The following PID1 variants were observed in gnomAD, a reference collection of about 807,000 sequenced individuals.
The protein encoded by PID1 is PTB-containing, cubilin and LRP1-interacting protein.
PID1 carries 10 observed loss-of-function variants against 19.1 expected under a neutral mutation model. The ratio of observed to expected loss-of-function variants is 0.52; its 90% CI spans 0.32 to 0.89. The LOEUF is 0.89. Ranked by LOEUF, PID1 falls within the 40% of genes least tolerant of loss-of-function variation. The pLI is 0.03. For synonymous variants in PID1, 130 were observed against 116.0 expected (o/e 1.12, Z -0.78); for missense variants, 248 against 285.3 (o/e 0.87, Z 0.94).
intron 2 of PID1, among the ~76,000 whole-genome samples, chr2:229,046,357 T>A (rs1418301890): frequency 3.5e-5 from 5 of 144,800 alleles, no homozygotes; most frequent in African/African-American, 1.4e-4. Flanking sequence ...AGTGTGTGTG[T>A]GTGTGTGTGT....
chr2:229,176,280 T>A (rs750479881), intron 1 of PID1, among the ~76,000 whole-genome samples: 1 of 152,218 alleles, frequency 6.6e-6, no homozygotes, highest in Non-Finnish European at 1.5e-5. Flanking sequence ...TAAGTCCACA[T>A]GCAAGCCTCC....
chr2:229,103,316 A>G (rs1695110977), intron 2 of PID1, among the ~76,000 whole-genome samples: 1 of 152,128 alleles, frequency 6.6e-6, no homozygotes, highest in Non-Finnish European at 1.5e-5. Flanking sequence ...GCACAGACAC[A>G]TGGTCCATAC....
chr2:229,098,711 T>G (rs1340017569), intron 2 of PID1, among the ~76,000 whole-genome samples: 1 of 152,150 alleles, frequency 6.6e-6, no homozygotes, highest in Non-Finnish European at 1.5e-5. Context: ...GAGACCAGGT[T>G]CAAGCAGGCT....
chr2:229,104,224 CT>C (rs1695130325), intron 2 of PID1, among the ~76,000 whole-genome samples: 1 of 152,182 alleles, frequency 6.6e-6, no homozygotes, highest in African/African-American at 2.4e-5. Flanking sequence ...TACAGACAAC[CT>C]TTCACCTAAA....
chr2:229,128,137 G>A (rs1695661412), intron 2 of PID1, among the ~76,000 whole-genome samples: 3 of 55,062 alleles, frequency 5.4e-5, no homozygotes, highest in Admixed American at 2.0e-4. Context: ...TAAATGGATT[G>A]GGATTTTGTA....
chr2:229,216,767 T>C (rs1408306278), intron 1 of PID1, among the ~76,000 whole-genome samples: 1 of 152,136 alleles, frequency 6.6e-6, no homozygotes, highest in Non-Finnish European at 1.5e-5. Context: ...AGAAAACTAA[T>C]ACAAAACAGT....
rs1442847503 is a variant in PID1 at position 229,210,541 on chromosome 2, AAAAAAAAAAAAAAC to A, written c.31-54591_31-54578del. ...GTTTTGTCTCAAAAAAAAAAAAAAA[AAAAAAAAAAAAAAC>A]AACCTAGAAGGAAAAAGTCAGAAGA... On this transcript the variant is annotated intron_variant, in intron 1 of 2. Coordinates refer to ENST00000392055, the MANE Select transcript of PID1 (RefSeq NM_001100818.2). Among the ~76,000 whole-genome samples the A allele has an allele frequency of 9.1e-4, 135 of 148,064 alleles. 2 individuals carry two copies. Among genetic ancestry groups the A allele is most frequent in the African/African-American group, 3.1e-3 (127 of 40,690 alleles).
chr2:229,212,051 G>T (rs1051164168), intron 1 of PID1, among the ~76,000 whole-genome samples: 2 of 152,054 alleles, frequency 1.3e-5, no homozygotes, highest in Admixed American at 1.3e-4. Context: ...GTATCAAACT[G>T]GTTGAATGTA....
chr2:229,257,596 G>A (rs1250146379), intron 1 of PID1, among the ~76,000 whole-genome samples: 1 of 152,108 alleles, frequency 6.6e-6, no homozygotes, highest in Non-Finnish European at 1.5e-5. Flanking sequence ...TCATCACCTC[G>A]ACAGAGCCCC....
chr2:229,246,800 C>T (rs1022091091), intron 1 of PID1, among the ~76,000 whole-genome samples: 5 of 152,172 alleles, frequency 3.3e-5, no homozygotes, highest in East Asian at 1.9e-4. Flanking sequence ...TACCTCTGCA[C>T]ATCCGGTCTC....
intron 1 of PID1, among the ~76,000 whole-genome samples, chr2:229,265,205 G>A (rs1230530795): frequency 6.6e-6 from 1 of 152,096 alleles, no homozygotes; most frequent in East Asian, 1.9e-4. Flanking sequence ...GCCATTACTG[G>A]AGCCTCCCTT....
chr2:229,130,246 C>T (rs954353596), intron 2 of PID1, among the ~76,000 whole-genome samples: 5 of 152,198 alleles, frequency 3.3e-5, no homozygotes, highest in African/African-American at 1.2e-4. Flanking sequence ...CCTCAGCCCA[C>T]CTGGAATGCT....
chr2:229,233,981 G>T (rs908719889), intron 1 of PID1, among the ~76,000 whole-genome samples: 2 of 152,198 alleles, frequency 1.3e-5, no homozygotes, highest in African/African-American at 4.8e-5. Context: ...GGAAGGCTAA[G>T]ACGTACAGAA....
intron 1 of PID1, among the ~76,000 whole-genome samples, chr2:229,197,333 A>T (rs150696132): frequency 1.3e-5 from 2 of 152,042 alleles, no homozygotes; most frequent in Non-Finnish European, 2.9e-5. Context: ...AAGAAAAAAA[A>T]TTTGACAGTA....
intron 2 of PID1, among the ~76,000 whole-genome samples, chr2:229,108,775 T>TGG (rs1467468280): frequency 6.6e-6 from 1 of 152,134 alleles, no homozygotes; most frequent in Non-Finnish European, 1.5e-5. Flanking sequence ...CTAAGGAGCC[T>TGG]GGACACAGTC....
chr2:229,157,817 C>T (rs1267698934), intron 1 of PID1, among the ~76,000 whole-genome samples: 1 of 152,134 alleles, frequency 6.6e-6, no homozygotes, highest in Non-Finnish European at 1.5e-5. Context: ...TATTACTTCC[C>T]TGTACAAGGC....
chr2:229,112,106 C>T (rs983894196), intron 2 of PID1, among the ~76,000 whole-genome samples: 3 of 152,200 alleles, frequency 2.0e-5, no homozygotes, highest in Non-Finnish European at 4.4e-5. Context: ...TGTCCACTGG[C>T]CTTGTTAAGA....
intron 1 of PID1, among the ~76,000 whole-genome samples, chr2:229,163,674 T>TGTGTGTGTGTGTGTGTGCGCGC (rs374622113): frequency 2.0e-4 from 19 of 94,482 alleles, no homozygotes; most frequent in African/African-American, 5.6e-4. Context: ...TGTGTGTGTG[T>TGTGTGTGTGTGTGTGTGCGCGC]GCGTGTGCGT....
At chr2:229,258,735 G>A (rs1483960257) in intron 1 of PID1, among the ~76,000 whole-genome samples, 3 of 151,846 alleles carry the variant, frequency 2.0e-5, no homozygotes, top group Admixed American at 6.6e-5. Context: ...AGTGGCGGGC[G>A]CCTGTAGTCC....
Sources: allele counts gnomAD v4.1 joint callset (sites outside exome capture counted in the v4.1 genomes callset), GRCh38; gene constraint gnomAD v4.1.1; transcripts MANE v1.5; gene names NCBI Gene and HGNC (gene_info 2026-07-23, HGNC 2026-07-21).